SDK2: variants seen among roughly 807,000 people sequenced by gnomAD.
The protein encoded by SDK2 is protein sidekick-2.
SDK2 carries 105 observed loss-of-function variants against 253.9 expected under a neutral mutation model. The observed-to-expected ratio is 0.41, with a 90% CI of 0.35 to 0.49. SDK2 has a LOEUF of 0.49. Ranked by LOEUF, SDK2 falls within the 20% of genes least tolerant of loss-of-function variation. SDK2 has a pLI of 0.06. For missense variants in SDK2, 2,608 were observed against 3,003.0 expected (o/e 0.87, Z 3.07); for synonymous variants, 1,249 against 1,234.9 (o/e 1.01, Z -0.24).
Position 73,414,744 on chromosome 17 carries a change from G to A in SDK2, c.2384C>T (p.Pro795Leu), listed in dbSNP as rs1222334523. Residue 795 changes from proline to leucine, a missense_variant, in exon 18 of 45, where the codon CCG becomes CTG. Physicochemically the swap from Pro to Leu is moderately conservative, Grantham distance 98. Coordinates refer to ENST00000392650, the MANE Select transcript of SDK2 (RefSeq NM_001144952.2). ...WTLQGVPTVP[P>L]GNVHAEATNS... ...GGTGGCTTCCGCGTGCACATTGCCC[G>A]GAGGGACCGTGGGAACTAGAGGAGA... The A allele has an allele frequency of 9.9e-6, 16 of 1,613,346 alleles. No homozygotes were observed. The highest frequency in any genetic ancestry group is 2.2e-5 in the East Asian group (1 of 44,852).
chr17:73,489,905 T>C (rs992819493), intron 2 of SDK2, among the ~76,000 whole-genome samples: 8 of 152,218 alleles, frequency 5.3e-5, no homozygotes, highest in Non-Finnish European at 7.3e-5. Context: ...AAATCTGTCA[T>C]GCAGATTTCA....
At chr17:73,437,926 CCCCT>C (rs1376162372) in intron 7 of SDK2, 34 bp downstream of exon 7, 3 of 1,574,116 alleles carry the variant, frequency 1.9e-6, no homozygotes, top group Non-Finnish European at 2.6e-6. Context: ...GCTGCCCCTA[CCCCT>C]CAGGGGAGCC....
chr17:73,476,395 C>G (rs763564518), intron 2 of SDK2, among the ~76,000 whole-genome samples: 1 of 152,118 alleles, frequency 6.6e-6, no homozygotes, highest in Non-Finnish European at 1.5e-5. Context: ...AGGGAAGAAA[C>G]TTCTATTTTT....
chr17:73,588,994 G>A (rs2045644685), intron 1 of SDK2, among the ~76,000 whole-genome samples: 1 of 152,288 alleles, frequency 6.6e-6, no homozygotes, highest in South Asian at 2.1e-4. Context: ...TAGGGCCCCA[G>A]AGCAAGTGAA....
At chr17:73,526,102 T>C (rs1000153642) in intron 1 of SDK2, among the ~76,000 whole-genome samples, 1 of 152,308 alleles carries the variant, frequency 6.6e-6, no homozygotes, top group East Asian at 1.9e-4. Context: ...GTGTCTCCAA[T>C]GAGCATCCTA....
At chr17:73,494,081 C>T (rs533727822) in intron 2 of SDK2, among the ~76,000 whole-genome samples, 32 of 152,326 alleles carry the variant, frequency 2.1e-4, no homozygotes, top group African/African-American at 7.5e-4. Context: ...CTCTCCTGTT[C>T]CCAGGGGCCC....
At chr17:73,562,421 CT>C (rs1567844405) in intron 1 of SDK2, among the ~76,000 whole-genome samples, 1 of 152,136 alleles carries the variant, frequency 6.6e-6, no homozygotes, top group Non-Finnish European at 1.5e-5. Flanking sequence ...TATCTGTTCT[CT>C]TTTTAGATCC....
chr17:73,483,491 G>A (rs2063740708), intron 2 of SDK2, among the ~76,000 whole-genome samples: 1 of 106,670 alleles, frequency 9.4e-6, no homozygotes, highest in Non-Finnish European at 1.9e-5. Flanking sequence ...GTGTGTGTGT[G>A]TGTGTGTGTG....
rs548703327 is a variant in SDK2 at position 73,506,676 on chromosome 17, T to C, written c.224+762A>G. ...CTGGGATTAATCACCAGCCACAGGG[T>C]TGGAGCCAATAAAACAGGCGGAGGT... is the stretch of plus-strand genomic sequence containing the variant. On this transcript the variant is annotated intron_variant, in intron 2 of 44. Transcript: ENST00000392650. Among the ~76,000 whole-genome samples the C allele has an allele frequency of 1.8e-3, 274 of 152,196 alleles. 1 individual carries two copies. The highest frequency in any genetic ancestry group is 0.01 in the Middle Eastern group (3 of 294).
intron 1 of SDK2, among the ~76,000 whole-genome samples, chr17:73,620,353 T>A (rs539782180): frequency 2.0e-5 from 3 of 152,256 alleles, no homozygotes; most frequent in African/African-American, 7.2e-5. Context: ...ACCCACCAGG[T>A]CAGCTATAAT....
chr17:73,358,006 C>T (rs763617474), intron 40 of SDK2, 73 bp downstream of exon 40: 4 of 1,602,618 alleles, frequency 2.5e-6, no homozygotes, highest in Admixed American at 3.3e-5. Context: ...GAGGCAAGTG[C>T]CCCAAGTGGA....
rs1048094192 is a variant in SDK2, at chr17:73,376,395, G to A, written c.4980+2782C>T. ...ACTGAAAGACTGGAGCTCTCAGAAC[G>A]TGCATGAATGTGCCTGCCACGCACC... On this transcript the variant is annotated intron_variant, in intron 36 of 44. Coordinates refer to ENST00000392650, the MANE Select transcript of SDK2 (RefSeq NM_001144952.2). Among the ~76,000 whole-genome samples, 10 of 145,354 alleles carry A rather than the reference G, an allele frequency of 6.9e-5. No individual in the cohort carries two copies. In the East Asian group the frequency reaches 9.1e-4, roughly 13 times the overall value.
At chr17:73,393,292 C>G (rs1599518436) in intron 27 of SDK2, among the ~76,000 whole-genome samples, 1 of 150,436 alleles carries the variant, frequency 6.6e-6, no homozygotes, top group East Asian at 1.9e-4. Flanking sequence ...GGGTGCAAGT[C>G]CCTATTCTGT....
At chr17:73,633,803 G>A (rs1482492683) in intron 1 of SDK2, among the ~76,000 whole-genome samples, 1 of 152,290 alleles carries the variant, frequency 6.6e-6, no homozygotes, top group East Asian at 1.9e-4. Flanking sequence ...CAACTGGGAG[G>A]AGGAGTCCCA....
At chr17:73,598,229 G>A (rs2045787622) in intron 1 of SDK2, among the ~76,000 whole-genome samples, 1 of 152,180 alleles carries the variant, frequency 6.6e-6, no homozygotes, top group Non-Finnish European at 1.5e-5. Context: ...ACAGGAGTAG[G>A]CCGGACCCAC....
Position 73,383,748 on chromosome 17 carries a change from G to A in SDK2, c.4705+128C>T. The A allele has an allele frequency of 1.9e-6, 2 of 1,071,964 alleles. No homozygotes were observed. Among genetic ancestry groups the A allele is most frequent in the Non-Finnish European group, 2.7e-6 (2 of 727,372 alleles). 66.4% of individuals were successfully genotyped at this position (1,071,964 alleles called of 1,614,324 possible). A position where few individuals can be genotyped will look rare whatever the true frequency, so the allele number is the denominator to read the frequency against. On this transcript the variant is annotated intron_variant, in intron 33 of 44. Transcript: ENST00000392650. This position sits in a 1 kb window ranked among gnomAD's most constrained non-coding sequence, Gnocchi z 4.3. Reference sequence around the variant, plus strand: ...ATGAATGGGATGGGAGGAGGGAGAGGCACACATGGAGGAGGGAGGCAAGGT... The same window carrying A: ...ATGAATGGGATGGGAGGAGGGAGAGACACACATGGAGGAGGGAGGCAAGGT...
At chr17:73,363,957 C>T (rs947982403) in intron 38 of SDK2, among the ~76,000 whole-genome samples, 6 of 152,026 alleles carry the variant, frequency 3.9e-5, no homozygotes, top group Non-Finnish European at 5.9e-5. Flanking sequence ...CAGGTGGTAG[C>T]AGGGAAGACT....
At chr17:73,594,820 CACAT>C (rs1449170995) in intron 1 of SDK2, among the ~76,000 whole-genome samples, 8 of 152,102 alleles carry the variant, frequency 5.3e-5, no homozygotes, top group South Asian at 2.1e-4. Context: ...CACACAGACA[CACAT>C]ACAAATGCAC....
At position 73,642,061 on chromosome 17, in the gene SDK2, C is replaced by T. The variant is rs1030710311; in HGVS notation, c.64+1964G>A. ...CAAGAAAGGCAGAGAGGAAGTGAAT[C>T]AATCACAGAGACTTTCTCTGCTTCT... On this transcript the variant is annotated intron_variant, in intron 1 of 44. Coordinates refer to ENST00000392650, the MANE Select transcript of SDK2 (RefSeq NM_001144952.2). The surrounding 1 kb of genome is among the most constrained non-coding windows in gnomAD (Gnocchi z 4.7). 2.6e-5 allele frequency among the ~76,000 whole-genome samples: 4 copies of T among 152,218 alleles called. No homozygotes were observed. Among genetic ancestry groups the T allele is most frequent in the Admixed American group, 1.3e-4 (2 of 15,290 alleles).
Sources: allele counts gnomAD v4.1 joint callset (sites outside exome capture counted in the v4.1 genomes callset), GRCh38; gene constraint gnomAD v4.1.1; non-coding constraint Gnocchi (gnomAD v3.1); transcripts MANE v1.5; gene names NCBI Gene and HGNC (gene_info 2026-07-23, HGNC 2026-07-21).